SPAG16: variants seen among roughly 807,000 people sequenced by gnomAD.
The protein encoded by SPAG16 is sperm-associated antigen 16 protein.
Under a neutral mutation model 80.4 loss-of-function variants are expected in SPAG16, and 86 were observed. The observed-to-expected ratio is 1.07, with a 90% CI of 0.90 to 1.28. The LOEUF (loss-of-function observed/expected upper bound fraction) is 1.28, where lower values mean the gene tolerates loss of function less well. SPAG16 is among the 50% of genes most tolerant of loss of function. SPAG16 has a pLI of 0.00. For synonymous variants in SPAG16, 294 were observed against 265.9 expected, an observed-to-expected ratio of 1.11 and a Z score of -1.03; for missense variants, 870 against 765.3, an observed-to-expected ratio of 1.14 and a Z score of -1.61.
At chr2:213,365,800 A>G (rs1050433257) in intron 8 of SPAG16, among the ~76,000 whole-genome samples, 4 of 151,972 alleles carry the variant, frequency 2.6e-5, no homozygotes, top group Admixed American at 6.6e-5. Context: ...TAGAGATGAC[A>G]GAAGTGTCAG....
chr2:213,553,229 T>C (rs1450835951), intron 10 of SPAG16, among the ~76,000 whole-genome samples: 1 of 152,124 alleles, frequency 6.6e-6, no homozygotes, highest in Non-Finnish European at 1.5e-5. Context: ...TGGACAACTA[T>C]TTACAAACCA....
chr2:213,723,477 A>ATTTT lies in SPAG16; in HGVS notation c.1071-139008_1071-139007insTTTT, dbSNP rs1475060891. Among the ~76,000 whole-genome samples the ATTTT allele has an allele frequency of 1.8e-4, 27 of 152,322 alleles. 1 individual carries two copies. The highest frequency in any genetic ancestry group is 6.8e-3 in the Middle Eastern group (2 of 294). ...GATGGGTGTTATTTTGCACTGAATT[A>ATTTT]CCACAAAGGATCAAATTGTTGAATT... On this transcript the variant is annotated intron_variant, in intron 10 of 15. Coordinates refer to ENST00000331683, the MANE Select transcript of SPAG16 (RefSeq NM_024532.5).
intron 10 of SPAG16, among the ~76,000 whole-genome samples, chr2:213,750,595 C>A (rs911025939): frequency 6.0e-4 from 91 of 152,252 alleles, no homozygotes; most frequent in African/African-American, 2.1e-3. Context: ...TTTGTTTAGG[C>A]GTTGGTCATA....
chr2:214,108,304 T>C (rs776416911), intron 14 of SPAG16, 43 bp downstream of exon 14: 5 of 1,455,954 alleles, frequency 3.4e-6, no homozygotes, highest in South Asian at 1.2e-5. Context: ...ATGCTTCATA[T>C]ATACAAATTC....
chr2:214,363,693 G>A (rs1185302255), intron 15 of SPAG16, among the ~76,000 whole-genome samples: 1 of 151,870 alleles, frequency 6.6e-6, no homozygotes, highest in East Asian at 1.9e-4. Flanking sequence ...GAGGAAAGAG[G>A]GCATCTTTTA....
intron 15 of SPAG16, among the ~76,000 whole-genome samples, chr2:214,270,938 C>G (rs1473687511): frequency 6.6e-6 from 1 of 152,080 alleles, no homozygotes; most frequent in Non-Finnish European, 1.5e-5. Context: ...AGTACAGTAA[C>G]CTTTTTCTAC....
chr2:214,329,296 AAAG>A (rs1553557557), intron 15 of SPAG16, among the ~76,000 whole-genome samples: 1 of 6,732 alleles, frequency 1.5e-4, no homozygotes, highest in Non-Finnish European at 3.7e-4. Context: ...AACCTTAAAG[AAAG>A]AATTCTTATT....
intron 11 of SPAG16, among the ~76,000 whole-genome samples, chr2:213,872,987 T>A (rs1041582089): frequency 6.6e-6 from 1 of 152,216 alleles, no homozygotes; most frequent in African/African-American, 2.4e-5. Flanking sequence ...GTATTAGTAT[T>A]TTCTTGATGA....
chr2:213,398,568 T>G (rs2068158394), intron 9 of SPAG16, among the ~76,000 whole-genome samples: 1 of 152,184 alleles, frequency 6.6e-6, no homozygotes. Context: ...TTATTTTCCT[T>G]CAGATAATTC....
At chr2:213,643,041 ATGTGTGTGTGTATGTG>A in intron 10 of SPAG16, among the ~76,000 whole-genome samples, 1 of 115,456 alleles carries the variant, frequency 8.7e-6, no homozygotes, top group East Asian at 2.4e-4. Context: ...CTTTATATGT[ATGTGTGTGTGTATGTG>A]TGTGTGTGTA....
intron 15 of SPAG16, among the ~76,000 whole-genome samples, chr2:214,176,279 T>C (rs1002532295): frequency 1.3e-5 from 2 of 151,086 alleles, no homozygotes; most frequent in African/African-American, 4.8e-5. Context: ...ACTTCTTTTT[T>C]TAAAAAAAAA....
At chr2:213,884,680 T>G (rs2076486446) in intron 11 of SPAG16, among the ~76,000 whole-genome samples, 1 of 152,152 alleles carries the variant, frequency 6.6e-6, no homozygotes, top group Non-Finnish European at 1.5e-5. Flanking sequence ...TTCTCAGAGG[T>G]TTTGTTCATG....
At chr2:214,348,687 G>A (rs967801970) in intron 15 of SPAG16, among the ~76,000 whole-genome samples, 7 of 152,102 alleles carry the variant, frequency 4.6e-5, no homozygotes, top group Admixed American at 3.3e-4. Context: ...AAATGTAAAT[G>A]AAGCTGTCTC....
At chr2:214,108,479 A>ACACACCC (rs71409874) in intron 14 of SPAG16, among the ~76,000 whole-genome samples, 3 of 52,374 alleles carry the variant, frequency 5.7e-5, no homozygotes, top group East Asian at 7.0e-4. Flanking sequence ...ACACACACAC[A>ACACACCC]CCCCCACACA....
In SPAG16 at chr2:213,305,415, G is replaced by A. The variant is rs375246248; in HGVS notation, c.280-4644G>A. Among the ~76,000 whole-genome samples, 14 of 152,136 alleles carry A rather than the reference G, an allele frequency of 9.2e-5. No homozygotes were observed. The South Asian group carries it at 2.9e-3, about 32-fold the overall frequency. ...ATGTTGAATAATAGTGGTGACGATG[G>A]GCATCCTTGTTATGTTTCAGATCTT... is the stretch of plus-strand genomic sequence containing the variant. On this transcript the variant is annotated intron_variant, in intron 3 of 15. Transcript: ENST00000331683.
At chr2:213,519,833 C>A (rs10932485) in intron 10 of SPAG16, among the ~76,000 whole-genome samples, 42,225 of 151,838 alleles carry the variant, frequency 0.28, 6,567 homozygotes, top group Middle Eastern at 0.44. Flanking sequence ...TTGTGTCTCC[C>A]AAAACAATAT....
chr2:213,858,900 G>A (rs7574468), intron 10 of SPAG16, among the ~76,000 whole-genome samples: 25 of 151,316 alleles, frequency 1.7e-4, no homozygotes, highest in Non-Finnish European at 3.1e-4. Context: ...TAAAAAGTCC[G>A]CCAGGTGCAG....
At chr2:213,407,828 CAGAG>C (rs201115397) in intron 9 of SPAG16, among the ~76,000 whole-genome samples, 10 of 60,830 alleles carry the variant, frequency 1.6e-4, no homozygotes, top group African/African-American at 3.1e-4. Context: ...AGGAGAGAGG[CAGAG>C]AGAGAGAGAC....
At chr2:214,383,446 C>A (rs1265604842) in intron 15 of SPAG16, among the ~76,000 whole-genome samples, 1 of 151,878 alleles carries the variant, frequency 6.6e-6, no homozygotes, top group Non-Finnish European at 1.5e-5. Flanking sequence ...GGTGGTGCAC[C>A]TGTAGTCCCA....
Sources: allele counts gnomAD v4.1 joint callset (sites outside exome capture counted in the v4.1 genomes callset), GRCh38; gene constraint gnomAD v4.1.1; transcripts MANE v1.5; gene names NCBI Gene and HGNC (gene_info 2026-07-23, HGNC 2026-07-21).